Variants in ENTREP2 observed in about 807,000 individuals in gnomAD.
ENTREP2 encodes the protein endosomal transmembrane epsin interactor 2.
chr15:29,229,433 T>A, the ENTREP2 span, among the ~76,000 whole-genome samples: 1 of 152,166 alleles, frequency 6.6e-6, no homozygotes. Flanking sequence ...TGCTCTATCT[T>A]TCAATTCTTA....
At chr15:29,565,634 T>G in the ENTREP2 span, among the ~76,000 whole-genome samples, 1 of 152,250 alleles carries the variant, frequency 6.6e-6, no homozygotes, top group Admixed American at 6.5e-5. Flanking sequence ...ATGGGTGGTA[T>G]AATGTCATTT....
At chr15:29,126,369 C>T in the ENTREP2 span, 1 of 1,543,434 alleles carries the variant, frequency 6.5e-7, no homozygotes, top group Middle Eastern at 1.9e-4. Flanking sequence ...TCTGGAGACA[C>T]ATGGCCAGGG....
At chr15:29,365,926 C>T in the ENTREP2 span, among the ~76,000 whole-genome samples, 1 of 152,068 alleles carries the variant, frequency 6.6e-6, no homozygotes, top group African/African-American at 2.4e-5. Context: ...GCAGCAGAAC[C>T]CAGCATTCAC....
At chr15:29,555,911 G>A in the ENTREP2 span, among the ~76,000 whole-genome samples, 4 of 152,180 alleles carry the variant, frequency 2.6e-5, no homozygotes, top group South Asian at 2.1e-4. Context: ...AAGCTCCCCC[G>A]CACCCACCTC....
chr15:29,544,686 G>A, the ENTREP2 span, among the ~76,000 whole-genome samples: 1 of 152,128 alleles, frequency 6.6e-6, no homozygotes, highest in Non-Finnish European at 1.5e-5. Flanking sequence ...CTACAGGAAG[G>A]TGCTACATCT....
the ENTREP2 span, among the ~76,000 whole-genome samples, chr15:29,533,201 G>A: frequency 1.3e-5 from 2 of 152,228 alleles, no homozygotes. Flanking sequence ...GGTCTGACGA[G>A]GCCTCCATTC....
the ENTREP2 span, among the ~76,000 whole-genome samples, chr15:29,325,886 T>C: frequency 2.0e-5 from 3 of 152,152 alleles, no homozygotes; most frequent in Non-Finnish European, 4.4e-5. Flanking sequence ...AAGAATTATA[T>C]ACTTCAACCC....
At chr15:29,509,131 T>G in the ENTREP2 span, among the ~76,000 whole-genome samples, 2 of 152,154 alleles carry the variant, frequency 1.3e-5, no homozygotes, top group Non-Finnish European at 2.9e-5. Flanking sequence ...AGCCAAATCA[T>G]GAGCAAACTC....
At chr15:29,675,005 C>G in the ENTREP2 span, 4 of 153,412 alleles carry the variant, frequency 2.6e-5, no homozygotes, top group African/African-American at 7.2e-5. Context: ...CTCCCCTCCC[C>G]CGCCGGGGCC....
the ENTREP2 span, chr15:29,374,240 C>T: frequency 8.5e-5 from 13 of 152,084 alleles, no homozygotes; most frequent in South Asian, 4.1e-4. Flanking sequence ...TTCTTTGTTT[C>T]GTTTCGGTCC....
At chr15:29,123,673 A>G in the ENTREP2 span, 1 of 1,543,244 alleles carries the variant, frequency 6.5e-7, no homozygotes, top group Non-Finnish European at 8.8e-7. Context: ...TCAAGGGCAA[A>G]AGTGCAGTTC....
chr15:29,126,538 G>A, the ENTREP2 span: 114 of 1,508,642 alleles, frequency 7.6e-5, no homozygotes, highest in Non-Finnish European at 9.3e-5. Context: ...CGCAGGGGAC[G>A]CTGGCGTGGG....
the ENTREP2 span, among the ~76,000 whole-genome samples, chr15:29,478,127 C>T: frequency 3.4e-5 from 5 of 148,066 alleles, no homozygotes; most frequent in Non-Finnish European, 5.9e-5. Flanking sequence ...CGGGTTCACG[C>T]CATTCTCCTG....
the ENTREP2 span, among the ~76,000 whole-genome samples, chr15:29,523,095 C>T: frequency 6.6e-6 from 1 of 152,208 alleles, no homozygotes; most frequent in African/African-American, 2.4e-5. Context: ...CTCCGACTGA[C>T]CTTGAGGCTT....
chr15:29,381,909 C>T, the ENTREP2 span: 1 of 1,354,626 alleles, frequency 7.4e-7, no homozygotes. Flanking sequence ...TGAACCGTTT[C>T]AACCCGGAGA....
At chr15:29,584,864 C>G in the ENTREP2 span, among the ~76,000 whole-genome samples, 1 of 152,124 alleles carries the variant, frequency 6.6e-6, no homozygotes, top group Non-Finnish European at 1.5e-5. Flanking sequence ...TATTAATTTA[C>G]TTAATCATGG....
the ENTREP2 span, among the ~76,000 whole-genome samples, chr15:29,282,158 C>A: frequency 6.6e-5 from 10 of 152,298 alleles, no homozygotes; most frequent in South Asian, 1.5e-3. Context: ...ATAATTCCCA[C>A]ATGTTGTGGG....
the ENTREP2 span, among the ~76,000 whole-genome samples, chr15:29,316,683 T>A: frequency 6.6e-6 from 1 of 152,188 alleles, no homozygotes; most frequent in Admixed American, 6.5e-5. Flanking sequence ...GGGTTCAATA[T>A]GTCATTCTCT....
At chr15:29,511,705 C>T in the ENTREP2 span, among the ~76,000 whole-genome samples, 1 of 151,370 alleles carries the variant, frequency 6.6e-6, no homozygotes, top group Non-Finnish European at 1.5e-5. Flanking sequence ...ATGATAAAAA[C>T]TGACCTGTCA....
Sources: allele counts gnomAD v4.1 joint callset (sites outside exome capture counted in the v4.1 genomes callset), GRCh38; gene constraint gnomAD v4.1.1; transcripts MANE v1.5; gene names NCBI Gene and HGNC (gene_info 2026-07-23, HGNC 2026-07-21).